Variants in SLC39A2 observed in about 807,000 individuals in gnomAD.
SLC39A2 encodes solute carrier family 39 member 2.
A neutral mutation model predicts 18.0 loss-of-function variants in SLC39A2; 14 were observed. The ratio of observed to expected loss-of-function variants is 0.78; its 90% CI spans 0.51 to 1.22. SLC39A2 has a LOEUF of 1.22. Among genes scored for constraint, SLC39A2 ranks in the 50% most tolerant of loss-of-function variants. The pLI is 0.00. For synonymous variants in SLC39A2, 152 were observed against 153.1 expected (o/e 0.99, Z 0.05); for missense variants, 375 against 370.6 (o/e 1.01, Z -0.10).
In SLC39A2 at chr14:21,001,655, A is replaced by G. The variant is rs2138752221; in HGVS notation, c.*76A>G. On this transcript the variant is annotated 3_prime_UTR_variant, in exon 4 of 4. Transcript: ENST00000298681. ...CAGGGAGACCTCCCAAATGGCTTTG[A>G]CCCTCAGACATTTCTTTACTCAGAC... is the stretch of plus-strand genomic sequence containing the variant. 1.4e-6 allele frequency: 2 copies of G among 1,395,706 alleles called. No homozygotes were observed. Among genetic ancestry groups the G allele is most frequent in the East Asian group, 2.3e-5 (1 of 43,210 alleles). 86.5% of individuals were successfully genotyped at this position (1,395,706 alleles called of 1,614,324 possible). A position where few individuals can be genotyped will look rare whatever the true frequency, so the allele number is the denominator to read the frequency against.
In SLC39A2 at chr14:20,999,779, T is replaced by A. The variant is rs758204146; in HGVS notation, c.153T>A (p.Ile51=). Residue 51 remains isoleucine, a synonymous_variant, in exon 2 of 4, where the codon ATT becomes ATA. Transcript: ENST00000298681. ...HRLVLRLLGC[I]SAGVFLGAGF... ...TAGTCCTCAGACTCCTGGGCTGTAT[T>A]TCTGCTGGTGTTTTCCTGGGAGCAG... is the stretch of plus-strand genomic sequence containing the variant. The A allele has an allele frequency of 1.9e-6, 3 of 1,614,198 alleles. No homozygotes were observed. In the Admixed American group the frequency reaches 5.0e-5, roughly 27 times the overall value.
chr14:21,000,119 A>G lies in SLC39A2; in HGVS notation c.250A>G (p.Arg84Gly). The G allele has an allele frequency of 6.2e-7, 1 of 1,612,670 alleles. No homozygotes were observed. Among genetic ancestry groups the G allele is most frequent in the South Asian group, 1.1e-5 (1 of 90,794 alleles). Residue 84 changes from arginine (R) to glycine (G), a missense_variant, in exon 3 of 4, where the codon AGA (arginine) becomes GGA (glycine). Transcript: ENST00000298681. ...SQIQKFMVQN[R>G]SASERNSSGD... Reference sequence around the variant, plus strand: ...ATTTCTGCTGCTTTCTTCTTAGAACAGATCAGCAAGTGAGAGAAATTCTTC... The same window carrying G: ...ATTTCTGCTGCTTTCTTCTTAGAACGGATCAGCAAGTGAGAGAAATTCTTC...
rs1880559035 is a variant in SLC39A2, at chr14:21,000,041, CAG to C, written c.247-73_247-72del. On this transcript the variant is annotated intron_variant, in intron 2 of 3. Coordinates refer to ENST00000298681, the MANE Select transcript of SLC39A2 (RefSeq NM_014579.4). ...AAGTCAGATTAGGCTTTAAGGAAAA[CAG>C]AATTGCTGAAGGGACAGCACAGGAA... The C allele has an allele frequency of 5.4e-6, 8 of 1,471,934 alleles. No homozygotes were observed. The South Asian group carries it at 7.5e-5, about 14-fold the overall frequency. The allele number at this position is 1,471,934 out of a possible 1,614,324, so 91.2% of individuals were successfully genotyped here.
Position 20,999,512 on chromosome 14 carries a change from T to C in SLC39A2, c.66T>C (p.Cys22=), listed in dbSNP as rs1363213735. 1.9e-6 allele frequency: 3 copies of C among 1,614,094 alleles called. No individual in the cohort carries two copies. The highest frequency in any genetic ancestry group is 2.5e-6 in the Non-Finnish European group (3 of 1,180,042). ...LFALLALTLG[C]GLTPICFKWF... ...CCCTGTTGGCTCTCACTCTGGGCTG[T>C]GGCCTTACTCCCATCTGCTTCAAAT... is the stretch of plus-strand genomic sequence containing the variant. Residue 22 remains cysteine (C), a synonymous_variant, in exon 1 of 4, where the codon TGT becomes TGC. Transcript: ENST00000298681.
In SLC39A2 at chr14:20,999,553, CAGCCAGAGGTAT is replaced by C; in HGVS notation, c.112_115+8del. ...TGCTTCAAATGGTTCCAGATTGATG[CAGCCAGAGGTAT>C]AGCCCTACCCCATCTTTGTTCCATA... On this transcript the variant is annotated splice_donor_variant and splice_donor_region_variant and coding_sequence_variant and intron_variant, in exon 1 of 4. Coordinates refer to ENST00000298681, the MANE Select transcript of SLC39A2 (RefSeq NM_014579.4). LOFTEE classifies it high-confidence loss of function. The C allele has an allele frequency of 6.2e-7, 1 of 1,613,454 alleles. No individual in the cohort carries two copies. The highest frequency in any genetic ancestry group is 1.3e-5 in the African/African-American group (1 of 75,030).
At chr14:20,999,922 CAGGACAA>C (rs1231759154) in intron 2 of SLC39A2, 50 bp downstream of exon 2, 1 of 1,609,234 alleles carries the variant, frequency 6.2e-7, no homozygotes, top group East Asian at 2.2e-5. Context: ...AAATGATAAA[CAGGACAA>C]AGGGAAGAGA....
chr14:20,999,385 C>T lies in SLC39A2; in HGVS notation c.-62C>T. The T allele has an allele frequency of 7.8e-7, 1 of 1,283,644 alleles. No homozygotes were observed. The highest frequency in any genetic ancestry group is 1.1e-6 in the Non-Finnish European group (1 of 881,006). The allele number at this position is 1,283,644 out of a possible 1,614,324, so 79.5% of individuals were successfully genotyped here. A position where few individuals can be genotyped will look rare whatever the true frequency, so the allele number is the denominator to read the frequency against. On this transcript the variant is annotated 5_prime_UTR_variant, in exon 1 of 4. Transcript: ENST00000298681. ...GTGTTGACCACCTAAGATACCACTCCTGCTCCAAAGATTACAGCTCCCTTG... is the reference window on the plus strand; with the variant it reads ...GTGTTGACCACCTAAGATACCACTCTTGCTCCAAAGATTACAGCTCCCTTG...
At chr14:21,000,660 C>T (rs1396386874) in intron 3 of SLC39A2, among the ~76,000 whole-genome samples, 3 of 151,962 alleles carry the variant, frequency 2.0e-5, no homozygotes, top group South Asian at 2.1e-4. Context: ...TTAGTAGAGA[C>T]GGGGTTTCAT....
Position 20,999,988 on chromosome 14 carries a change from G to A in SLC39A2, c.246+116G>A, listed in dbSNP as rs546664121. 12 of 1,491,346 alleles carry A rather than the reference G, an allele frequency of 8.0e-6. No homozygotes were observed. The Admixed American group carries it at 1.3e-4, about 16-fold the overall frequency. The allele number at this position is 1,491,346 out of a possible 1,614,324, so 92.4% of individuals were successfully genotyped here. On this transcript the variant is annotated intron_variant, in intron 2 of 3. Coordinates refer to ENST00000298681, the MANE Select transcript of SLC39A2 (RefSeq NM_014579.4). The stretch of plus-strand genomic sequence containing the variant: ...ACATGGGTGGAACGACAAGGAAAAT[G>A]ACAGCTCTTGTGTGGGATGGTGAAA...
chr14:20,999,770 G>A lies in SLC39A2; in HGVS notation c.144G>A (p.Leu48=). ...RGHHRLVLRL[L]GCISAGVFLG... is the part of the protein sequence containing the mutation. ...ATCACCGGCTAGTCCTCAGACTCCT[G>A]GGCTGTATTTCTGCTGGTGTTTTCC... Residue 48 remains leucine, a synonymous_variant, in exon 2 of 4, where the codon CTG becomes CTA. Coordinates refer to ENST00000298681, the MANE Select transcript of SLC39A2 (RefSeq NM_014579.4). The A allele has an allele frequency of 1.9e-6, 3 of 1,614,146 alleles. No individual in the cohort carries two copies. The highest frequency in any genetic ancestry group is 2.5e-6 in the Non-Finnish European group (3 of 1,180,008).
rs752092502 is a variant in SLC39A2 at position 21,001,134 on chromosome 14, C to A, written c.485C>A (p.Pro162His). The A allele has an allele frequency of 5.4e-5, 87 of 1,614,002 alleles. No homozygotes were observed. The highest frequency in any genetic ancestry group is 6.8e-5 in the Non-Finnish European group (80 of 1,180,006). Residue 162 changes from proline (P) to histidine (H), a missense_variant, in exon 4 of 4, where the codon CCC becomes CAC. Coordinates refer to ENST00000298681, the MANE Select transcript of SLC39A2 (RefSeq NM_014579.4). ...HGHLPSPSKG[P>H]LRALVLLLSL... The stretch of plus-strand genomic sequence containing the variant: ...CATTTACCCTCACCCTCAAAGGGTC[C>A]CCTCCGAGCCCTTGTCCTCTTGCTG...
In SLC39A2 at chr14:21,000,980, C is replaced by A. The variant is rs767185511; in HGVS notation, c.331C>A (p.Leu111Met). The change falls in exon 4 of 4, where the codon CTG (leucine) becomes ATG (methionine). Residue 111 changes from leucine (L) to methionine (M), a missense_variant. By Grantham distance (15) the Leu-to-Met change is conservative. Transcript: ENST00000298681. ...TCCCTATGGAGAGCTCATCATCTCC[C>A]TGGGCTTCTTTTTTGTCTTCTTTTT... is the stretch of plus-strand genomic sequence containing the variant. ...EYPYGELIIS[L>M]GFFFVFFLES... 6 of 1,523,216 alleles carry A rather than the reference C, an allele frequency of 3.9e-6. No individual in the cohort carries two copies. The highest frequency in any genetic ancestry group is 1.3e-5 in the South Asian group (1 of 74,572). 94.4% of individuals were successfully genotyped at this position (1,523,216 alleles called of 1,614,324 possible). A position where few individuals can be genotyped will look rare whatever the true frequency, so the allele number is the denominator to read the frequency against.
chr14:20,999,482 G>A lies in SLC39A2; in HGVS notation c.36G>A (p.Leu12=). ...EQLLGIKLGC[L]FALLALTLGC... ...TACTAGGAATAAAACTTGGCTGCCT[G>A]TTTGCCCTGTTGGCTCTCACTCTGG... The change falls in exon 1 of 4, where the codon CTG becomes CTA. Residue 12 remains leucine, a synonymous_variant. Transcript: ENST00000298681. 6.2e-7 allele frequency: 1 copy of A among 1,614,180 alleles called. No homozygotes were observed. The highest frequency in any genetic ancestry group is 8.5e-7 in the Non-Finnish European group (1 of 1,180,036).
At position 21,001,319 on chromosome 14, in the gene SLC39A2, G is replaced by A; in HGVS notation, c.670G>A (p.Ala224Thr). 6.2e-7 allele frequency: 1 copy of A among 1,614,240 alleles called. No homozygotes were observed. The highest frequency in any genetic ancestry group is 8.5e-7 in the Non-Finnish European group (1 of 1,180,042). ...LVHLGTSSRW[A>T]VFSILLLALM... ...GCATTTAGGTACCAGCTCACGATGG[G>A]CAGTGTTCTCCATACTATTATTAGC... The change falls in exon 4 of 4, where the codon GCA becomes ACA. Residue 224 changes from alanine to threonine, a missense_variant. Ala to Thr is a moderately conservative substitution (Grantham distance 58, BLOSUM62 0). Coordinates refer to ENST00000298681, the MANE Select transcript of SLC39A2 (RefSeq NM_014579.4).
At chr14:20,999,694 G>T (rs745638084) in intron 1 of SLC39A2, 48 bp from the exon 2 acceptor site, 2 of 1,611,784 alleles carry the variant, frequency 1.2e-6, no homozygotes, top group East Asian at 2.2e-5. Flanking sequence ...ACTCACCTTT[G>T]TCTGTCTCCT....
Position 21,001,721 on chromosome 14 carries a change from C to T in SLC39A2, c.*142C>T, listed in dbSNP as rs1051624119. ...AGGACTGGACTGGACCCCAGGTTTC[C>T]TTTACATGAGATCCCATTTCTCACC... is the stretch of plus-strand genomic sequence containing the variant. On this transcript the variant is annotated 3_prime_UTR_variant, in exon 4 of 4. Coordinates refer to ENST00000298681, the MANE Select transcript of SLC39A2 (RefSeq NM_014579.4). The T allele has an allele frequency of 5.9e-6, 4 of 676,104 alleles. No individual in the cohort carries two copies. The Admixed American group carries it at 1.4e-4, about 23-fold the overall frequency. The allele number at this position is 676,104 out of a possible 1,614,324, so 41.9% of individuals were successfully genotyped here. A position where few individuals can be genotyped will look rare whatever the true frequency, so the allele number is the denominator to read the frequency against.
At position 21,001,204 on chromosome 14, in the gene SLC39A2, G is replaced by A; in HGVS notation, c.555G>A (p.Leu185=). ...TGTTTGAAGGGCTAGCTGTGGGGCT[G>A]CAGCCGACAGTAGCAGCTACCGTGC... ...HSVFEGLAVG[L]QPTVAATVQL... is the part of the protein sequence containing the mutation. The change falls in exon 4 of 4, where the codon CTG becomes CTA. Residue 185 remains leucine, a synonymous_variant. Coordinates refer to ENST00000298681, the MANE Select transcript of SLC39A2 (RefSeq NM_014579.4). The A allele has an allele frequency of 6.2e-7, 1 of 1,614,168 alleles. No homozygotes were observed. Among genetic ancestry groups the A allele is most frequent in the Non-Finnish European group, 8.5e-7 (1 of 1,180,000 alleles).
chr14:20,999,424 TG>T lies in SLC39A2; in HGVS notation c.-20del. The T allele has an allele frequency of 6.4e-7, 1 of 1,573,520 alleles. No individual in the cohort carries two copies. The stretch of plus-strand genomic sequence containing the variant: ...ACAGCTCCCTTGTCATTCTGACTCC[TG>T]GGCTTACCCTACACCCCAGAGATGG... On this transcript the variant is annotated 5_prime_UTR_variant, in exon 1 of 4. Coordinates refer to ENST00000298681, the MANE Select transcript of SLC39A2 (RefSeq NM_014579.4).
Position 21,001,086 on chromosome 14 carries a change from T to C in SLC39A2, c.437T>C (p.Ile146Thr), listed in dbSNP as rs1284238247. 1.2e-6 allele frequency: 2 copies of C among 1,612,564 alleles called. No homozygotes were observed. Among genetic ancestry groups the C allele is most frequent in the Admixed American group, 1.7e-5 (1 of 59,958 alleles). ...GACGAAGAATGGGGTGGGGCTCATA[T>C]CTTCGAACTCCACAGCCATGGACAT... ...VQDEEWGGAH[I>T]FELHSHGHLP... The change falls in exon 4 of 4, where the codon ATC becomes ACC. Residue 146 changes from isoleucine to threonine, a missense_variant. By Grantham distance (89) the Ile-to-Thr change is moderately conservative (BLOSUM62 -1). Transcript: ENST00000298681.
Sources: allele counts gnomAD v4.1 joint callset (sites outside exome capture counted in the v4.1 genomes callset), GRCh38; gene constraint gnomAD v4.1.1; transcripts MANE v1.5; gene names NCBI Gene and HGNC (gene_info 2026-07-23, HGNC 2026-07-21).